NREP: variants seen among roughly 807,000 people sequenced by gnomAD.
NREP encodes the protein neuronal regeneration related protein.
In NREP, 5 loss-of-function variants were observed where a neutral mutation model predicts 8.6. The observed-to-expected ratio is 0.58, with a 90% confidence interval of 0.30 to 1.22. The LOEUF (loss-of-function observed/expected upper bound fraction) is 1.22, where lower values mean the gene tolerates loss of function less well. Ranked by LOEUF, NREP falls within the 50% of genes most tolerant of loss-of-function variation. NREP has a pLI of 0.07. For synonymous variants in NREP, 27 were observed against 28.0 expected, an observed-to-expected ratio of 0.96 and a Z score of 0.11; for missense variants, 86 against 82.5, an observed-to-expected ratio of 1.04 and a Z score of -0.17.
chr5:111,792,587 G>A (rs1286946416), intron 2 of NREP, among the ~76,000 whole-genome samples: 2 of 152,150 alleles, frequency 1.3e-5, no homozygotes, highest in Non-Finnish European at 2.9e-5. Flanking sequence ...AAAGAGTGAA[G>A]CAGTTTTCTC....
chr5:111,799,338 A>G (rs939163908), intron 2 of NREP, among the ~76,000 whole-genome samples: 1 of 152,080 alleles, frequency 6.6e-6, no homozygotes, highest in South Asian at 2.1e-4. Flanking sequence ...ATTGCATTGA[A>G]TTTGTAGACT....
At chr5:111,729,256 A>AAGAC (rs1211423846), downstream of NREP, 2 of 152,208 alleles carry the variant, frequency 1.3e-5, no homozygotes, top group Non-Finnish European at 1.5e-5. Flanking sequence ...AGAACCAGAG[A>AAGAC]AGACATTCAA....
intron 2 of NREP, among the ~76,000 whole-genome samples, chr5:111,960,060 A>C (rs1756438190): frequency 6.7e-6 from 1 of 149,046 alleles, no homozygotes; most frequent in Non-Finnish European, 1.5e-5. Flanking sequence ...TCAAAAAACT[A>C]AATTTGTTAA....
At chr5:111,975,200 G>C in intron 2 of NREP, 1 of 971,712 alleles carries the variant, frequency 1.0e-6, no homozygotes, top group South Asian at 1.5e-5. Context: ...GGAATCACTT[G>C]GTTGCATGTG....
At chr5:111,962,273 C>T (rs1416911304) in intron 2 of NREP, among the ~76,000 whole-genome samples, 1 of 151,918 alleles carries the variant, frequency 6.6e-6, no homozygotes, top group Non-Finnish European at 1.5e-5. Context: ...ATACATGATC[C>T]TAAACTTACA....
At chr5:111,787,277 T>C (rs1352443412) in intron 2 of NREP, among the ~76,000 whole-genome samples, 4 of 152,180 alleles carry the variant, frequency 2.6e-5, no homozygotes, top group Non-Finnish European at 5.9e-5. Context: ...TCAGCTCCAA[T>C]GCCCAGTAGT....
intron 2 of NREP, among the ~76,000 whole-genome samples, chr5:111,737,371 C>A (rs954460298): frequency 2.0e-5 from 3 of 152,130 alleles, no homozygotes; most frequent in South Asian, 4.2e-4. Context: ...AAAGTGATTA[C>A]ATTTCTATAT....
intron 2 of NREP, among the ~76,000 whole-genome samples, chr5:111,801,573 C>A (rs1044046876): frequency 6.6e-5 from 10 of 152,026 alleles, no homozygotes; most frequent in African/African-American, 1.4e-4. Context: ...GTGTGCATAT[C>A]CAGAAATGAA....
chr5:111,794,698 A>C (rs546473639), intron 2 of NREP, among the ~76,000 whole-genome samples: 97 of 152,332 alleles, frequency 6.4e-4, no homozygotes, highest in Non-Finnish European at 1.0e-3. Context: ...TGAATAGGTG[A>C]GTACAGAGGA....
intron 2 of NREP, among the ~76,000 whole-genome samples, chr5:111,754,636 C>T (rs952625140): frequency 6.6e-6 from 1 of 152,208 alleles, no homozygotes; most frequent in Non-Finnish European, 1.5e-5. Flanking sequence ...TTTATGTTCA[C>T]TTCTTTTGTC....
chr5:111,771,909 A>G (rs1010866505), intron 2 of NREP, among the ~76,000 whole-genome samples: 1 of 152,224 alleles, frequency 6.6e-6, no homozygotes, highest in African/African-American at 2.4e-5. Context: ...TTTTAGCTAG[A>G]GAACTGAAGC....
At chr5:111,746,989 C>T (rs187190737) in intron 2 of NREP, among the ~76,000 whole-genome samples, 121 of 152,218 alleles carry the variant, frequency 7.9e-4, no homozygotes, top group African/African-American at 2.7e-3. Context: ...ACCCACATGG[C>T]GCACTCATCT....
At chr5:111,933,784 G>A (rs1755607601) in intron 2 of NREP, among the ~76,000 whole-genome samples, 1 of 152,080 alleles carries the variant, frequency 6.6e-6, no homozygotes, top group South Asian at 2.1e-4. Flanking sequence ...CTACTTGAAA[G>A]AAAGTCTATA....
At chr5:111,932,787 G>A (rs758302377) in intron 2 of NREP, among the ~76,000 whole-genome samples, 13 of 151,956 alleles carry the variant, frequency 8.6e-5, no homozygotes, top group South Asian at 2.1e-4. Context: ...TCATACTGCC[G>A]CGGAAGCCAA....
At chr5:111,938,031 C>A (rs1271222421) in intron 2 of NREP, among the ~76,000 whole-genome samples, 14 of 152,022 alleles carry the variant, frequency 9.2e-5, no homozygotes, top group Non-Finnish European at 2.9e-5. Context: ...TGCCTCTCTG[C>A]CTTGACTCCA....
chr5:111,738,963 G>A (rs1749404997), intron 2 of NREP: 1 of 152,284 alleles, frequency 6.6e-6, no homozygotes. Flanking sequence ...AAGCCCAGAA[G>A]GGAGGCCTCA....
At chr5:111,770,746 T>G (rs1477613346) in intron 2 of NREP, among the ~76,000 whole-genome samples, 4 of 151,924 alleles carry the variant, frequency 2.6e-5, no homozygotes, top group Admixed American at 1.3e-4. Flanking sequence ...ATTTTTGTAT[T>G]TTTTGTAGAG....
At chr5:111,736,615 C>G (rs950309216) in intron 2 of NREP, among the ~76,000 whole-genome samples, 7 of 152,164 alleles carry the variant, frequency 4.6e-5, no homozygotes, top group African/African-American at 1.4e-4. Flanking sequence ...TCCATTTTGT[C>G]AGGGAATCTA....
At chr5:111,883,104 T>C (rs1754133204) in intron 2 of NREP, among the ~76,000 whole-genome samples, 1 of 152,114 alleles carries the variant, frequency 6.6e-6, no homozygotes, top group Non-Finnish European at 1.5e-5. Flanking sequence ...GAGACACACA[T>C]AGGCTCCAAA....
Sources: gnomAD v4.1 joint callset for allele counts (sites outside exome capture counted in the v4.1 genomes callset) on GRCh38, gnomAD v4.1.1 for gene constraint, MANE v1.5 for transcripts, NCBI Gene and HGNC (gene_info 2026-07-23, HGNC 2026-07-21) for gene names.